DCC: variants seen among roughly 807,000 people sequenced by gnomAD.
The protein encoded by DCC is DCC netrin 1 receptor.
Under a neutral mutation model 172.5 loss-of-function variants are expected in DCC, and 58 were observed. That is an observed-to-expected ratio of 0.34 (90% CI 0.27 to 0.42). DCC has a LOEUF of 0.42. Among genes scored for constraint, DCC ranks in the 10% least tolerant of loss-of-function variants. The pLI is 1.00. For missense variants in DCC, 1,740 were observed against 1,791.0 expected, an observed-to-expected ratio of 0.97 and a Z score of 0.51; for synonymous variants, 709 against 644.5, an observed-to-expected ratio of 1.10 and a Z score of -1.52.
intron 1 of DCC, among the ~76,000 whole-genome samples, chr18:52,700,130 C>G (rs2036083740): frequency 6.6e-6 from 1 of 152,068 alleles, no homozygotes; most frequent in Non-Finnish European, 1.5e-5. Flanking sequence ...CGTTTGCGCT[C>G]TCTCGCTCTC....
chr18:52,703,688 T>C (rs1458489644), intron 1 of DCC, among the ~76,000 whole-genome samples: 1 of 152,028 alleles, frequency 6.6e-6, no homozygotes, highest in Non-Finnish European at 1.5e-5. Flanking sequence ...TATCTTTTTA[T>C]ATTGTCAGGT....
At chr18:53,229,187 A>C (rs908270165) in intron 12 of DCC, among the ~76,000 whole-genome samples, 1 of 152,144 alleles carries the variant, frequency 6.6e-6, no homozygotes, top group Non-Finnish European at 1.5e-5. Flanking sequence ...TAATGGAATA[A>C]AATCTTTTAA....
rs1598856694 is a variant in DCC, at chr18:53,156,637, C to T, written c.1262-719C>T. ...ATTTTTTTCTACAGTAATAACTGCCCCCAACCTTGTAAAATCCTGGAGATT... is the reference window on the plus strand; with the variant it reads ...ATTTTTTTCTACAGTAATAACTGCCTCCAACCTTGTAAAATCCTGGAGATT... On this transcript the variant is annotated intron_variant, in intron 7 of 28. Coordinates refer to ENST00000442544, the MANE Select transcript of DCC (RefSeq NM_005215.4). Among the ~76,000 whole-genome samples, 7 of 152,108 alleles carry T rather than the reference C, an allele frequency of 4.6e-5. 1 individual carries two copies. The highest frequency in any genetic ancestry group is 4.6e-4 in the Admixed American group (7 of 15,264).
At chr18:53,200,019 G>A (rs758200988) in intron 9 of DCC, among the ~76,000 whole-genome samples, 3 of 152,098 alleles carry the variant, frequency 2.0e-5, no homozygotes, top group Non-Finnish European at 4.4e-5. Flanking sequence ...CCAACAAATC[G>A]AATGTTCTCA....
At chr18:52,436,579 T>G (rs574743408) in intron 1 of DCC, among the ~76,000 whole-genome samples, 1 of 152,308 alleles carries the variant, frequency 6.6e-6, no homozygotes, top group African/African-American at 2.4e-5. Flanking sequence ...TACATTAAAA[T>G]ATGGAATATT....
At chr18:52,770,903 A>T (rs1443204249) in intron 2 of DCC, among the ~76,000 whole-genome samples, 49 of 152,220 alleles carry the variant, frequency 3.2e-4, no homozygotes, top group Non-Finnish European at 1.0e-4. Context: ...GCCATCCTTC[A>T]AAGCACATAG....
intron 12 of DCC, among the ~76,000 whole-genome samples, chr18:53,217,460 A>G (rs766577101): frequency 2.0e-5 from 3 of 152,132 alleles, no homozygotes; most frequent in Non-Finnish European, 4.4e-5. Flanking sequence ...TAAATTGTTC[A>G]TTCGCTTTTC....
chr18:52,416,051 C>T (rs1405044275), intron 1 of DCC, among the ~76,000 whole-genome samples: 1 of 151,640 alleles, frequency 6.6e-6, no homozygotes, highest in Non-Finnish European at 1.5e-5. Flanking sequence ...TGAATGTGTC[C>T]CAGAGATTCT....
chr18:52,842,211 GAA>G lies in DCC; in HGVS notation c.413-63831_413-63830del, dbSNP rs141016484. Among the ~76,000 whole-genome samples the G allele has an allele frequency of 2.1e-3, 324 of 152,146 alleles. 2 individuals carry two copies. Among genetic ancestry groups the G allele is most frequent in the African/African-American group, 7.4e-3 (308 of 41,490 alleles). On this transcript the variant is annotated intron_variant, in intron 2 of 28. Transcript: ENST00000442544. ...TCCTTTAGTCATGAGTTTAGTAAGG[GAA>G]AGTAAATCTCACATGATTATTTTTA...
intron 7 of DCC, among the ~76,000 whole-genome samples, chr18:53,091,809 A>ATC (rs1568299166): frequency 2.5e-4 from 33 of 130,442 alleles, no homozygotes; most frequent in East Asian, 2.1e-3. Flanking sequence ...TACACTGTAC[A>ATC]TATATCTATC....
intron 28 of DCC, among the ~76,000 whole-genome samples, chr18:53,529,003 TTCTCTC>T (rs144580817): frequency 1.9e-3 from 197 of 101,058 alleles, no homozygotes; most frequent in African/African-American, 3.6e-3. Flanking sequence ...TCACTTCAAC[TTCTCTC>T]TCTCTCTCTC....
At chr18:52,504,492 C>T (rs79664154) in intron 1 of DCC, among the ~76,000 whole-genome samples, 3,164 of 152,176 alleles carry the variant, frequency 0.021, 109 homozygotes, top group African/African-American at 0.073. Flanking sequence ...CAAGCTAGGG[C>T]CTCCTTAGAC....
intron 1 of DCC, among the ~76,000 whole-genome samples, chr18:52,721,007 G>A (rs1435289496): frequency 3.3e-5 from 5 of 152,146 alleles, no homozygotes; most frequent in South Asian, 2.1e-4. Flanking sequence ...TGTTACGTGC[G>A]TGTGTACCAT....
At chr18:53,137,559 T>C (rs1357087732) in intron 7 of DCC, among the ~76,000 whole-genome samples, 1 of 152,190 alleles carries the variant, frequency 6.6e-6, no homozygotes, top group Admixed American at 6.5e-5. Flanking sequence ...TAATGTAATC[T>C]AACCAAGAGA....
intron 12 of DCC, among the ~76,000 whole-genome samples, chr18:53,246,660 T>C (rs968769260): frequency 1.3e-5 from 2 of 152,138 alleles, no homozygotes; most frequent in African/African-American, 4.8e-5. Flanking sequence ...GAATTCAGAA[T>C]GTATTTCAAG....
intron 1 of DCC, among the ~76,000 whole-genome samples, chr18:52,376,584 A>T (rs1985359318): frequency 6.6e-6 from 1 of 152,204 alleles, no homozygotes; most frequent in African/African-American, 2.4e-5. Flanking sequence ...CTCAAAACAA[A>T]TAAAAATATC....
chr18:53,197,412 T>A (rs1436959613), intron 9 of DCC, among the ~76,000 whole-genome samples: 2 of 140,950 alleles, frequency 1.4e-5, no homozygotes, highest in African/African-American at 5.3e-5. Flanking sequence ...AATCCACTTT[T>A]ATTTTAGTTT....
At chr18:52,917,137 C>CAAAAAAAAAAAAAAAAGAAAAAA (rs146388621) in intron 3 of DCC, among the ~76,000 whole-genome samples, 7 of 94,772 alleles carry the variant, frequency 7.4e-5, no homozygotes, top group African/African-American at 1.1e-4. Flanking sequence ...AAAAAGAAAA[C>CAAAAAAAAAAAAAAAAGAAAAAA]AAAAAAAAAA....
chr18:52,808,261 T>C (rs770135511), intron 2 of DCC, among the ~76,000 whole-genome samples: 18 of 152,200 alleles, frequency 1.2e-4, no homozygotes, highest in Non-Finnish European at 2.2e-4. Flanking sequence ...GAATTATTAG[T>C]TTGATGTTGA....
Sources: gnomAD v4.1 joint callset for allele counts (sites outside exome capture counted in the v4.1 genomes callset) on GRCh38, gnomAD v4.1.1 for gene constraint, MANE v1.5 for transcripts, NCBI Gene and HGNC (gene_info 2026-07-23, HGNC 2026-07-21) for gene names.